STX6: variants seen among roughly 807,000 people sequenced by gnomAD.
The protein encoded by STX6 is syntaxin-6.
STX6 carries 23 observed loss-of-function variants against 38.0 expected under a neutral mutation model. The ratio of observed to expected loss-of-function variants is 0.60; its 90% CI spans 0.43 to 0.86. The LOEUF (loss-of-function observed/expected upper bound fraction) is 0.86, where lower values mean the gene tolerates loss of function less well. Ranked by LOEUF, STX6 falls within the 40% of genes least tolerant of loss-of-function variation. STX6 has a pLI of 0.00. For synonymous variants in STX6, 123 were observed against 107.5 expected, an observed-to-expected ratio of 1.14 and a Z score of -0.89; for missense variants, 274 against 312.9, an observed-to-expected ratio of 0.88 and a Z score of 0.94.
intron 1 of STX6, among the ~76,000 whole-genome samples, chr1:181,021,596 G>C (rs1013897726): frequency 1.3e-5 from 2 of 152,178 alleles, no homozygotes; most frequent in Admixed American, 6.5e-5. Context: ...ACTGACCTGG[G>C]AACTTTGCAG....
At chr1:181,022,167 G>C (rs1385042313) in intron 1 of STX6, among the ~76,000 whole-genome samples, 1 of 151,008 alleles carries the variant, frequency 6.6e-6, no homozygotes, top group Non-Finnish European at 1.5e-5. Flanking sequence ...GCCAGTCTGC[G>C]GACAAGCGCT....
chr1:180,994,047 A>T (rs577535972), intron 3 of STX6, among the ~76,000 whole-genome samples: 1 of 152,312 alleles, frequency 6.6e-6, no homozygotes, highest in East Asian at 1.9e-4. Context: ...GAATTTCCAG[A>T]GTGGTGTCAA....
In STX6 at chr1:180,984,686, T is replaced by C; in HGVS notation, c.682A>G (p.Met228Val). The change falls in exon 7 of 8, where the codon ATG (methionine) becomes GTG (valine). Residue 228 changes from methionine (M) to valine (V), a missense_variant. Physicochemically the swap from Met to Val is conservative, Grantham distance 21. Coordinates refer to ENST00000258301, the MANE Select transcript of STX6 (RefSeq NM_005819.6). The stretch of plus-strand genomic sequence containing the variant: ...TAAACGCCATACATACCACTGGTCA[T>C]ATGAGATACTTTTGCAAGTTTCTTC... ...VMKKLAKVSH[M>V]TSDRRQWCAI... The C allele has an allele frequency of 3.3e-6, 5 of 1,512,792 alleles. No homozygotes were observed. Among genetic ancestry groups the C allele is most frequent in the Non-Finnish European group, 4.6e-6 (5 of 1,088,066 alleles). The allele number at this position is 1,512,792 out of a possible 1,614,324, so 93.7% of individuals were successfully genotyped here. A position where few individuals can be genotyped will look rare whatever the true frequency, so the allele number is the denominator to read the frequency against.
chr1:180,997,545 C>A (rs141871562), intron 3 of STX6, among the ~76,000 whole-genome samples: 1 of 152,102 alleles, frequency 6.6e-6, no homozygotes, highest in African/African-American at 2.4e-5. Context: ...AGATTTATTA[C>A]AAAAACAGTT....
At chr1:181,011,581 G>A (rs1656399062) in intron 1 of STX6, among the ~76,000 whole-genome samples, 1 of 152,176 alleles carries the variant, frequency 6.6e-6, no homozygotes, top group Admixed American at 6.5e-5. Flanking sequence ...AGAACCACTT[G>A]TAAGTACTTG....
intron 5 of STX6, 73 bp from the exon 6 acceptor site, chr1:180,988,418 C>G (rs974588234): frequency 4.2e-6 from 5 of 1,187,432 alleles, no homozygotes; most frequent in Non-Finnish European, 6.2e-6. Context: ...ACTCTAGCAG[C>G]TGCTAGTTTC....
chr1:180,988,660 G>A, intron 5 of STX6: 2 of 238,728 alleles, frequency 8.4e-6, no homozygotes, highest in South Asian at 9.6e-5. Context: ...ACGTGCAGAT[G>A]ACCATTGAGA....
chr1:181,020,093 T>C (rs1444485484), intron 1 of STX6, among the ~76,000 whole-genome samples: 1 of 152,092 alleles, frequency 6.6e-6, no homozygotes, highest in African/African-American at 2.4e-5. Context: ...TACACACCTA[T>C]AGTCCCAGCT....
At position 181,006,126 on chromosome 1, in the gene STX6, G is replaced by A. The variant is rs529115735; in HGVS notation, c.36-663C>T. On this transcript the variant is annotated intron_variant, in intron 1 of 7. Transcript: ENST00000258301. ...TGCACAGGCTGGAGCGAAATGGTGC[G>A]ATCTTGGCTCACTGCAACCTCCACC... 7.2e-5 allele frequency among the ~76,000 whole-genome samples: 11 copies of A among 152,040 alleles called. No homozygotes were observed. The South Asian group carries it at 8.3e-4, about 11-fold the overall frequency.
At chr1:180,990,790 C>A (rs966194917) in intron 4 of STX6, among the ~76,000 whole-genome samples, 1 of 152,176 alleles carries the variant, frequency 6.6e-6, no homozygotes, top group South Asian at 2.1e-4. Context: ...TCCACCAGGG[C>A]TCCCAGACAC....
At chr1:180,991,434 A>AT (rs372587925) in intron 4 of STX6, among the ~76,000 whole-genome samples, 1 of 152,106 alleles carries the variant, frequency 6.6e-6, no homozygotes, top group Non-Finnish European at 1.5e-5. Context: ...AATAGTGACA[A>AT]TTTTTTTAGG....
intron 7 of STX6, among the ~76,000 whole-genome samples, chr1:180,981,460 C>T (rs1322693805): frequency 1.3e-5 from 2 of 152,084 alleles, no homozygotes; most frequent in Non-Finnish European, 2.9e-5. Context: ...TTCTCCAACC[C>T]CGCCCTCAAC....
chr1:181,015,620 CTAT>C (rs2102333291), intron 1 of STX6, among the ~76,000 whole-genome samples: 1 of 152,070 alleles, frequency 6.6e-6, no homozygotes, highest in East Asian at 1.9e-4. Context: ...AAGACACTTT[CTAT>C]TACCAAGACT....
rs34962747 is a variant in STX6, at chr1:181,018,388, CAAAAAAAAAAAAA to C, written c.35+4238_35+4250del. On this transcript the variant is annotated intron_variant, in intron 1 of 7. Transcript: ENST00000258301. ...TGGGCGACAGAGTAAGACTCTGTCC[CAAAAAAAAAAAAA>C]AAAAAAAAAAAAAGAAAAGAAAAAG... Among the ~76,000 whole-genome samples, 211 of 43,058 alleles carry C rather than the reference CAAAAAAAAAAAAA, an allele frequency of 4.9e-3. 2 individuals carry two copies. The highest frequency in any genetic ancestry group is 0.018 in the African/African-American group (204 of 11,230). The allele number at this position is 43,058 out of a possible 152,430, so 28.2% of individuals were successfully genotyped here. A position where few individuals can be genotyped will look rare whatever the true frequency, so the allele number is the denominator to read the frequency against.
At chr1:180,988,101 A>G in intron 6 of STX6, 138 bp downstream of exon 6, 1 of 601,428 alleles carries the variant, frequency 1.7e-6, no homozygotes, top group Non-Finnish European at 2.9e-6. Flanking sequence ...CTAATCTGTA[A>G]AACAGAATAA....
In STX6 at chr1:181,005,316, T is replaced by C; in HGVS notation, c.183A>G (p.Leu61=). ...TATTGATGGTTTCATCAAGGTCCTC[T>C]AGATCCCACTCTATGCTCCGGAGGT... The part of the protein sequence containing the change: ...RNNLRSIEWD[L]EDLDETISIV... The change falls in exon 2 of 8, where the codon CTA becomes CTG. Residue 61 remains leucine (L), a synonymous_variant. Transcript: ENST00000258301. 3.1e-6 allele frequency: 5 copies of C among 1,614,114 alleles called. No individual in the cohort carries two copies. In the Middle Eastern group the frequency reaches 8.3e-4, roughly 266 times the overall value.
rs891913715 is a variant in STX6 at position 180,974,510 on chromosome 1, G to A, written c.*2060C>T. ...AGGTTTGTTCCAAACGGCCCCTGCTGACACACATGATCCTTTTGTGTGGCA... is the reference window on the plus strand; with the variant it reads ...AGGTTTGTTCCAAACGGCCCCTGCTAACACACATGATCCTTTTGTGTGGCA... On this transcript the variant is annotated 3_prime_UTR_variant, in exon 8 of 8. Coordinates refer to ENST00000258301, the MANE Select transcript of STX6 (RefSeq NM_005819.6). 1 of 152,640 alleles carries A rather than the reference G, an allele frequency of 6.6e-6. No individual in the cohort carries two copies. Among genetic ancestry groups the A allele is most frequent in the Non-Finnish European group, 1.5e-5 (1 of 68,046 alleles). 9.5% of individuals were successfully genotyped at this position (152,640 alleles called of 1,614,324 possible).
At chr1:181,007,220 G>A (rs546704961) in intron 1 of STX6, among the ~76,000 whole-genome samples, 16 of 152,092 alleles carry the variant, frequency 1.1e-4, no homozygotes, top group African/African-American at 3.6e-4. Flanking sequence ...TATAACCTAC[G>A]CACATCCTCC....
chr1:181,010,692 G>C (rs1162820383), intron 1 of STX6, among the ~76,000 whole-genome samples: 1 of 151,988 alleles, frequency 6.6e-6, no homozygotes, highest in Non-Finnish European at 1.5e-5. Context: ...CAGAAAGCAT[G>C]GCACGACACC....
Sources: allele counts gnomAD v4.1 joint callset (sites outside exome capture counted in the v4.1 genomes callset), GRCh38; gene constraint gnomAD v4.1.1; transcripts MANE v1.5; gene names NCBI Gene and HGNC (gene_info 2026-07-23, HGNC 2026-07-21).